The following RBFOX1 variants were observed in gnomAD, a reference collection of about 807,000 sequenced individuals.
RBFOX1 encodes RNA binding protein fox-1 homolog 1.
In RBFOX1, 8 loss-of-function variants were observed where a neutral mutation model predicts 57.7. That is an observed-to-expected ratio of 0.14 (90% CI 0.08 to 0.25). The LOEUF (loss-of-function observed/expected upper bound fraction) is 0.25. RBFOX1 is among the 10% of genes least tolerant of loss of function. RBFOX1 has a pLI of 1.00. For synonymous variants in RBFOX1, 326 were observed against 222.4 expected (o/e 1.47, Z -4.15); for missense variants, 611 against 548.5 (o/e 1.11, Z -1.14).
At chr16:5,400,256 T>G (rs2066677343) in intron 1 of RBFOX1, among the ~76,000 whole-genome samples, 1 of 151,348 alleles carries the variant, frequency 6.6e-6, no homozygotes, top group Non-Finnish European at 1.5e-5. Context: ...CACACCCGGC[T>G]GATTTTTGTA....
chr16:6,235,255 A>G (rs895081849), intron 1 of RBFOX1, among the ~76,000 whole-genome samples: 2 of 152,022 alleles, frequency 1.3e-5, no homozygotes, highest in African/African-American at 2.4e-5. Context: ...ACATCTCGGA[A>G]GGCCTAACTC....
intron 2 of RBFOX1, among the ~76,000 whole-genome samples, chr16:5,474,382 G>T (rs565512917): frequency 1.3e-5 from 2 of 152,336 alleles, no homozygotes; most frequent in African/African-American, 2.4e-5. Flanking sequence ...GGCTAGGCGC[G>T]ATGGCTCACT....
intron 3 of RBFOX1, among the ~76,000 whole-genome samples, chr16:6,810,366 C>T (rs542099691): frequency 2.6e-5 from 4 of 152,038 alleles, no homozygotes; most frequent in Non-Finnish European, 4.4e-5. Flanking sequence ...CTCTCCTTGT[C>T]CAAGTGGTGA....
chr16:6,425,662 A>T (rs1005515829), intron 2 of RBFOX1, among the ~76,000 whole-genome samples: 2 of 152,088 alleles, frequency 1.3e-5, no homozygotes, highest in African/African-American at 4.8e-5. Flanking sequence ...CTTTGTAGGC[A>T]TTTCTGTGGG....
At chr16:7,082,127 C>G (rs912261320) in intron 4 of RBFOX1, among the ~76,000 whole-genome samples, 1 of 152,120 alleles carries the variant, frequency 6.6e-6, no homozygotes, top group African/African-American at 2.4e-5. Flanking sequence ...TCCTTGGTAT[C>G]CTAATTCCCT....
intron 4 of RBFOX1, among the ~76,000 whole-genome samples, chr16:7,115,045 A>T (rs1472533045): frequency 1.3e-5 from 2 of 152,142 alleles, no homozygotes; most frequent in Non-Finnish European, 2.9e-5. Context: ...ACCTTCTTCA[A>T]CTCACTGAGT....
At chr16:6,720,041 C>G (rs1318329060) in intron 3 of RBFOX1, among the ~76,000 whole-genome samples, 2 of 151,898 alleles carry the variant, frequency 1.3e-5, no homozygotes, top group Non-Finnish European at 2.9e-5. Flanking sequence ...TTGCAGTGAG[C>G]CAAGATCATG....
chr16:6,792,008 G>C (rs546591993), intron 3 of RBFOX1, among the ~76,000 whole-genome samples: 1 of 152,208 alleles, frequency 6.6e-6, no homozygotes, highest in South Asian at 2.1e-4. Context: ...CTGGAGTTCT[G>C]TTTTCCTACT....
intron 4 of RBFOX1, among the ~76,000 whole-genome samples, chr16:5,966,545 C>T (rs967704165): frequency 3.9e-5 from 6 of 152,198 alleles, no homozygotes; most frequent in Non-Finnish European, 5.9e-5. Flanking sequence ...GCAATCTCCG[C>T]CTCCCAGGTT....
chr16:7,214,929 T>C (rs765654360), intron 4 of RBFOX1, among the ~76,000 whole-genome samples: 6 of 152,188 alleles, frequency 3.9e-5, no homozygotes, highest in Non-Finnish European at 8.8e-5. Context: ...CGGACACATG[T>C]ACTGAATGTG....
intron 3 of RBFOX1, among the ~76,000 whole-genome samples, chr16:6,971,609 T>G (rs2085563783): frequency 6.6e-6 from 1 of 152,110 alleles, no homozygotes; most frequent in South Asian, 2.1e-4. Context: ...TGGAATATGG[T>G]GTACTGATTG....
At chr16:5,904,085 G>T (rs975895245) in intron 4 of RBFOX1, among the ~76,000 whole-genome samples, 5 of 152,158 alleles carry the variant, frequency 3.3e-5, no homozygotes, top group Non-Finnish European at 7.3e-5. Flanking sequence ...CTGCTCCCCT[G>T]TGTCATGATT....
chr16:6,672,731 G>C (rs144846591), intron 3 of RBFOX1, among the ~76,000 whole-genome samples: 2,392 of 152,244 alleles, frequency 0.016, 36 homozygotes, highest in Non-Finnish European at 0.023. Flanking sequence ...GCCTTGTGAA[G>C]CAGTGAGGCA....
chr16:6,715,231 T>C (rs4786920), intron 3 of RBFOX1, among the ~76,000 whole-genome samples: 93,222 of 151,514 alleles, frequency 0.62, 29,663 homozygotes, highest in Middle Eastern at 0.81. Context: ...GAACAATGAA[T>C]CTTTCCCTGA....
At chr16:7,069,481 G>T (rs567605695) in intron 4 of RBFOX1, among the ~76,000 whole-genome samples, 1 of 152,138 alleles carries the variant, frequency 6.6e-6, no homozygotes, top group Non-Finnish European at 1.5e-5. Context: ...GTTCACTGAG[G>T]ATAATGGCTT....
At chr16:6,501,459 A>C (rs1254805453) in intron 2 of RBFOX1, among the ~76,000 whole-genome samples, 2 of 151,930 alleles carry the variant, frequency 1.3e-5, no homozygotes, top group Non-Finnish European at 2.9e-5. Context: ...GTCCCTACAA[A>C]GGACATGAAC....
intron 4 of RBFOX1, among the ~76,000 whole-genome samples, chr16:7,132,454 A>G (rs1158117084): frequency 3.8e-5 from 3 of 79,254 alleles, no homozygotes; most frequent in East Asian, 1.5e-3. Context: ...ACACACACAC[A>G]CACACACACA....
chr16:7,284,243 A>G (rs1427727566), intron 4 of RBFOX1, among the ~76,000 whole-genome samples: 1 of 152,228 alleles, frequency 6.6e-6, no homozygotes, highest in Non-Finnish European at 1.5e-5. Flanking sequence ...GCATTTATGT[A>G]CAGGTAATTC....
At chr16:6,722,972 A>T (rs1189298807) in intron 3 of RBFOX1, among the ~76,000 whole-genome samples, 1 of 152,082 alleles carries the variant, frequency 6.6e-6, no homozygotes, top group African/African-American at 2.4e-5. Context: ...TCTGCAAGTG[A>T]TGGTATTTGA....
Sources: allele counts gnomAD v4.1 joint callset (sites outside exome capture counted in the v4.1 genomes callset), GRCh38; gene constraint gnomAD v4.1.1; transcripts MANE v1.5; gene names NCBI Gene and HGNC (gene_info 2026-07-23, HGNC 2026-07-21).